MDN1: variants seen among roughly 807,000 people sequenced by gnomAD.
MDN1 encodes the protein midasin.
A neutral mutation model predicts 669.2 loss-of-function variants in MDN1; 266 were observed. The observed-to-expected ratio is 0.40, with a 90% CI of 0.36 to 0.44. MDN1 has a LOEUF of 0.44. Among genes scored for constraint, MDN1 ranks in the 20% least tolerant of loss-of-function variants. The pLI, the probability that MDN1 is intolerant of heterozygous loss-of-function variation, is 1.00. For synonymous variants in MDN1, 2,385 were observed against 2,457.1 expected, an observed-to-expected ratio of 0.97 and a Z score of 0.87; for missense variants, 5,940 against 6,754.0, an observed-to-expected ratio of 0.88 and a Z score of 4.22.
At chr6:89,693,219 C>T (rs1410888154) in intron 62 of MDN1, 71 bp from the exon 63 acceptor site, 9 of 1,098,324 alleles carry the variant, frequency 8.2e-6, no homozygotes, top group Non-Finnish European at 1.2e-5. Context: ...GGATCCTCAG[C>T]TAGGAAAACC....
intron 63 of MDN1, among the ~76,000 whole-genome samples, chr6:89,692,040 T>A (rs1812407045): frequency 6.6e-6 from 1 of 152,230 alleles, no homozygotes; most frequent in Non-Finnish European, 1.5e-5. Flanking sequence ...GCAGCGTTTA[T>A]ACAGCTTTAA....
intron 84 of MDN1, among the ~76,000 whole-genome samples, chr6:89,665,442 C>T (rs1249019184): frequency 1.3e-5 from 2 of 152,122 alleles, no homozygotes; most frequent in African/African-American, 4.8e-5. Flanking sequence ...GGCACGGTAG[C>T]TCATGCCTGT....
chr6:89,780,427 G>T (rs907052733), intron 10 of MDN1, 134 bp from the exon 11 acceptor site: 4 of 468,156 alleles, frequency 8.5e-6, no homozygotes, highest in Non-Finnish European at 1.5e-5. Flanking sequence ...ACAATGCTTA[G>T]ATAAAAGGTA....
At chr6:89,679,131 T>G (rs1389605621) in intron 74 of MDN1, among the ~76,000 whole-genome samples, 1 of 152,268 alleles carries the variant, frequency 6.6e-6, no homozygotes, top group Non-Finnish European at 1.5e-5. Flanking sequence ...CAGATTAATA[T>G]AATATGTATT....
At chr6:89,683,660 GAGA>G (rs3048192) in intron 72 of MDN1, among the ~76,000 whole-genome samples, 168 bp downstream of exon 72, 1,523 of 152,236 alleles carry the variant, frequency 0.01, 60 homozygotes, top group Admixed American at 0.071. Context: ...ACTTTGCTTG[GAGA>G]AGAAGGGGGT....
At chr6:89,693,246 G>C in intron 62 of MDN1, 98 bp from the exon 63 acceptor site, 1 of 772,654 alleles carries the variant, frequency 1.3e-6, no homozygotes, top group Non-Finnish European at 2.1e-6. Context: ...AGAAACATCA[G>C]CTGCTGCGAA....
chr6:89,644,915 C>T, intron 101 of MDN1, 100 bp downstream of exon 101: 1 of 1,272,334 alleles, frequency 7.9e-7, no homozygotes, highest in Non-Finnish European at 1.1e-6. Context: ...GCTGGGAGTT[C>T]TCAGTATGAC....
At chr6:89,704,880 G>A (rs577646911) in intron 53 of MDN1, among the ~76,000 whole-genome samples, 1 of 152,258 alleles carries the variant, frequency 6.6e-6, no homozygotes, top group East Asian at 1.9e-4. Flanking sequence ...GCACCTGGCC[G>A]TGGCCAATGA....
intron 27 of MDN1, among the ~76,000 whole-genome samples, chr6:89,746,631 G>C (rs1162553663): frequency 7.9e-6 from 1 of 126,008 alleles, no homozygotes; most frequent in Non-Finnish European, 1.7e-5. Flanking sequence ...AAGAAAGAAA[G>C]AAAGAAAGAA....
chr6:89,678,821 C>T (rs1309831329), intron 74 of MDN1, 76 bp from the exon 75 acceptor site: 3 of 1,462,440 alleles, frequency 2.1e-6, no homozygotes, highest in Non-Finnish European at 1.8e-6. Context: ...TGTTACCCAA[C>T]ACCAGGGACC....
In MDN1 at chr6:89,682,582, C is replaced by G. The variant is rs569408939; in HGVS notation, c.12102+550G>C. Among the ~76,000 whole-genome samples the G allele has an allele frequency of 4.6e-5, 7 of 151,704 alleles. No homozygotes were observed. The East Asian group carries it at 1.2e-3, about 25-fold the overall frequency. ...AATTAGCCAGGCGTGGTGGTGGGCA[C>G]CTGCAGTCCCAGCTACTCGGGAGGC... is the stretch of plus-strand genomic sequence containing the variant. On this transcript the variant is annotated intron_variant, in intron 73 of 101. Transcript: ENST00000369393.
At chr6:89,712,436 C>T in intron 48 of MDN1, 139 bp downstream of exon 48, 1 of 1,008,772 alleles carries the variant, frequency 9.9e-7, no homozygotes, top group East Asian at 2.4e-5. Flanking sequence ...AGCAATATCA[C>T]AATGAACAAT....
At chr6:89,690,258 T>A (rs1812294726) in intron 64 of MDN1, 115 bp from the exon 65 acceptor site, 1 of 1,073,688 alleles carries the variant, frequency 9.3e-7, no homozygotes, top group Non-Finnish European at 1.3e-6. Flanking sequence ...ATAGGACTAA[T>A]ATATGTATTA....
At chr6:89,804,413 G>C (rs1767879579) in intron 1 of MDN1, among the ~76,000 whole-genome samples, 1 of 151,998 alleles carries the variant, frequency 6.6e-6, no homozygotes, top group South Asian at 2.1e-4. Context: ...TGGAGTTTGA[G>C]GTACAGGGAC....
intron 2 of MDN1, among the ~76,000 whole-genome samples, chr6:89,801,055 C>T (rs962745707): frequency 2.0e-5 from 3 of 152,204 alleles, no homozygotes; most frequent in African/African-American, 7.2e-5. Context: ...CTGGTCAAGT[C>T]AGCATAGGTA....
At chr6:89,806,374 G>A (rs1178965681) in intron 1 of MDN1, among the ~76,000 whole-genome samples, 1 of 152,006 alleles carries the variant, frequency 6.6e-6, no homozygotes, top group Non-Finnish European at 1.5e-5. Flanking sequence ...ACCAACCTGG[G>A]CAATGTGGTA....
intron 19 of MDN1, among the ~76,000 whole-genome samples, chr6:89,757,364 T>C (rs922090434): frequency 2.0e-5 from 3 of 152,226 alleles, no homozygotes; most frequent in Non-Finnish European, 4.4e-5. Context: ...TACTGGTATA[T>C]GTTTTCCTGT....
intron 70 of MDN1, 21 bp downstream of exon 70, chr6:89,685,806 A>C (rs1811964696): frequency 6.2e-7 from 1 of 1,609,110 alleles, no homozygotes; most frequent in Middle Eastern, 1.7e-4. Context: ...ATGTCAAAGG[A>C]AAGGAAAAAA....
intron 73 of MDN1, among the ~76,000 whole-genome samples, chr6:89,682,699 TAA>T (rs143107841): frequency 0.68 from 66,596 of 97,550 alleles, 21,410 homozygotes; most frequent in East Asian, 0.93. Context: ...GACTCTGTCT[TAA>T]AAAAAAAAAA....
Sources: gnomAD v4.1 joint callset for allele counts (sites outside exome capture counted in the v4.1 genomes callset) on GRCh38, gnomAD v4.1.1 for gene constraint, MANE v1.5 for transcripts, NCBI Gene and HGNC (gene_info 2026-07-23, HGNC 2026-07-21) for gene names.